Variants in CSMD1 observed in about 807,000 individuals in gnomAD.
CSMD1 encodes the protein CUB and sushi domain-containing protein 1.
In CSMD1, 213 loss-of-function variants were observed where a neutral mutation model predicts 417.5. The ratio of observed to expected loss-of-function variants is 0.51; its 90% CI spans 0.46 to 0.57. CSMD1 has a LOEUF of 0.57. Among genes scored for constraint, CSMD1 ranks in the 20% least tolerant of loss-of-function variants. The pLI, the probability that CSMD1 is intolerant of heterozygous loss-of-function variation, is 0.00. For synonymous variants in CSMD1, 2,862 were observed against 1,736.8 expected, an observed-to-expected ratio of 1.65 and a Z score of -16.11; for missense variants, 6,923 against 4,529.7, an observed-to-expected ratio of 1.53 and a Z score of -15.17.
intron 45 of CSMD1, among the ~76,000 whole-genome samples, chr8:3,107,356 A>G (rs894645224): frequency 6.6e-6 from 1 of 152,198 alleles, no homozygotes; most frequent in South Asian, 2.1e-4. Flanking sequence ...GATTTTTCTC[A>G]AGTGCATGAA....
At chr8:2,962,077 C>G (rs564839190) in intron 61 of CSMD1, among the ~76,000 whole-genome samples, 10 of 152,156 alleles carry the variant, frequency 6.6e-5, no homozygotes, top group African/African-American at 2.2e-4. Context: ...ATTAACCCAG[C>G]GATAAAACTT....
intron 3 of CSMD1, among the ~76,000 whole-genome samples, chr8:4,046,292 C>G (rs1798143281): frequency 6.6e-6 from 1 of 152,110 alleles, no homozygotes; most frequent in Non-Finnish European, 1.5e-5. Flanking sequence ...CTCAGTCTAA[C>G]TTCAGTTATT....
chr8:4,012,374 T>C (rs1816610875), intron 4 of CSMD1, among the ~76,000 whole-genome samples: 1 of 152,200 alleles, frequency 6.6e-6, no homozygotes, highest in Non-Finnish European at 1.5e-5. Flanking sequence ...CATTCATTCA[T>C]TGCCTTGTTG....
intron 1 of CSMD1, among the ~76,000 whole-genome samples, chr8:4,802,934 G>T (rs944759644): frequency 6.6e-6 from 1 of 152,142 alleles, no homozygotes; most frequent in African/African-American, 2.4e-5. Flanking sequence ...GCAGAATAAA[G>T]TGATCTTAGT....
rs143106335 is a variant in CSMD1, at chr8:4,043,809, G to A, written c.416-11710C>T. Among the ~76,000 whole-genome samples the A allele has an allele frequency of 3.1e-3, 473 of 152,052 alleles. 2 individuals are homozygous for A. The highest frequency in any genetic ancestry group is 0.011 in the African/African-American group (451 of 41,474). On this transcript the variant is annotated intron_variant, in intron 3 of 69. Transcript: ENST00000635120. ...ATATATGGTATTTCAAACCTTACACGTCTCCAAATGAGGCATCATTATTCC... is the reference window on the plus strand; with the variant it reads ...ATATATGGTATTTCAAACCTTACACATCTCCAAATGAGGCATCATTATTCC...
At chr8:3,083,929 G>A (rs921404433) in intron 49 of CSMD1, among the ~76,000 whole-genome samples, 3 of 151,780 alleles carry the variant, frequency 2.0e-5, no homozygotes, top group Non-Finnish European at 4.4e-5. Flanking sequence ...TCCCAAAGAT[G>A]CTTGGAATAC....
At chr8:3,840,383 AAT>A (rs1244209097) in intron 5 of CSMD1, among the ~76,000 whole-genome samples, 1 of 152,164 alleles carries the variant, frequency 6.6e-6, no homozygotes, top group East Asian at 1.9e-4. Flanking sequence ...GAGGGAGAAT[AAT>A]AGTGTGTAAA....
chr8:3,947,660 T>C (rs1811324454), intron 5 of CSMD1, among the ~76,000 whole-genome samples: 1 of 152,228 alleles, frequency 6.6e-6, no homozygotes, highest in Non-Finnish European at 1.5e-5. Flanking sequence ...TACAGTTTAA[T>C]TATGTTGTGA....
At chr8:4,902,505 A>C (rs1226582651) in intron 1 of CSMD1, among the ~76,000 whole-genome samples, 1 of 152,174 alleles carries the variant, frequency 6.6e-6, no homozygotes, top group Non-Finnish European at 1.5e-5. Flanking sequence ...TGTAGTTTGC[A>C]AAGCAAATGT....
intron 5 of CSMD1, among the ~76,000 whole-genome samples, chr8:3,972,564 C>T (rs1813160650): frequency 6.6e-6 from 1 of 152,104 alleles, no homozygotes; most frequent in Admixed American, 6.6e-5. Context: ...GCTCACAGGG[C>T]CTCTTATGCT....
intron 26 of CSMD1, among the ~76,000 whole-genome samples, chr8:3,272,086 C>A (rs1801902352): frequency 6.7e-6 from 1 of 148,574 alleles, no homozygotes; most frequent in African/African-American, 2.5e-5. Context: ...AGTCTTTAAT[C>A]CATCTTGAAT....
rs184845115 is a variant in CSMD1, at chr8:3,307,820, C to T, written c.3825G>A (p.Ala1275=). 619 of 1,611,890 alleles carry T rather than the reference C, an allele frequency of 3.8e-4. 6 individuals are homozygous for T. The East Asian group carries it at 1.0e-2, about 26-fold the overall frequency. ...VWDKPLPSCI[A]ECGGQIHAAT... ...CTGCATGGATCTGACCACCACATTCCGCTGTAGAAGACACAGAGAGATGGG... is the reference window on the plus strand; with the variant it reads ...CTGCATGGATCTGACCACCACATTCTGCTGTAGAAGACACAGAGAGATGGG... The change falls in exon 25 of 70, where the codon GCG becomes GCA. Residue 1275 remains alanine, a splice_region_variant and synonymous_variant. Coordinates refer to ENST00000635120, the MANE Select transcript of CSMD1 (RefSeq NM_033225.6).
intron 41 of CSMD1, among the ~76,000 whole-genome samples, chr8:3,136,342 C>T (rs976092337): frequency 3.3e-5 from 5 of 151,584 alleles, no homozygotes; most frequent in African/African-American, 7.3e-5. Context: ...CTACAAACCC[C>T]GGTCTCTGGT....
At chr8:4,150,388 T>C (rs373751708) in intron 3 of CSMD1, among the ~76,000 whole-genome samples, 102 of 152,302 alleles carry the variant, frequency 6.7e-4, no homozygotes, top group African/African-American at 1.8e-3. Flanking sequence ...CTGGCTACCT[T>C]TGGAAGTAAT....
chr8:3,661,147 T>G (rs550895378), intron 7 of CSMD1, among the ~76,000 whole-genome samples: 92 of 152,148 alleles, frequency 6.0e-4, no homozygotes, highest in Non-Finnish European at 1.2e-3. Context: ...ACTCCGTACT[T>G]TCGTATATGA....
In CSMD1 at chr8:3,284,199, C is replaced by T. The variant is rs761769439; in HGVS notation, c.4098G>A (p.Leu1366=). ...DIHSTFNSLT[L]QFDSDFFISK... ...TGATGAAGAAGTCGCTGTCGAACTG[C>T]AGGGTGAGTGAGTTGAAGGTGCTGT... Residue 1366 remains leucine, a synonymous_variant, in exon 26 of 70, where the codon CTG becomes CTA. Transcript: ENST00000635120. 120 of 1,606,140 alleles carry T rather than the reference C, an allele frequency of 7.5e-5. 1 individual carries two copies. The East Asian group carries it at 2.2e-3, about 29-fold the overall frequency.
At chr8:4,281,347 A>C (rs1796773257) in intron 3 of CSMD1, among the ~76,000 whole-genome samples, 1 of 152,220 alleles carries the variant, frequency 6.6e-6, no homozygotes, top group African/African-American at 2.4e-5. Flanking sequence ...CCCACAGAGT[A>C]AGATGACGGC....
rs140744062 is a variant in CSMD1 at position 4,592,683 on chromosome 8, G to A, written c.302+44659C>T. On this transcript the variant is annotated intron_variant, in intron 2 of 69. Coordinates refer to ENST00000635120, the MANE Select transcript of CSMD1 (RefSeq NM_033225.6). ...ATTACCAGCGTGAGCCACTGTACCC[G>A]GCCTCTTTTCCTTATTTTTGATGAC... 3.2e-4 allele frequency among the ~76,000 whole-genome samples: 49 copies of A among 152,134 alleles called. 1 individual carries two copies. Among genetic ancestry groups the A allele is most frequent in the African/African-American group, 1.0e-3 (42 of 41,512 alleles).
At chr8:3,596,407 G>C (rs1801097273) in intron 8 of CSMD1, among the ~76,000 whole-genome samples, 1 of 152,178 alleles carries the variant, frequency 6.6e-6, no homozygotes, top group African/African-American at 2.4e-5. Context: ...TCCACGATAA[G>C]TCAACAATGG....
Sources: allele counts gnomAD v4.1 joint callset (sites outside exome capture counted in the v4.1 genomes callset), GRCh38; gene constraint gnomAD v4.1.1; transcripts MANE v1.5; gene names NCBI Gene and HGNC (gene_info 2026-07-23, HGNC 2026-07-21).